Variants in VPS8 observed in about 807,000 individuals in gnomAD.
VPS8 encodes the protein VPS8 subunit of CORVET complex, also known as vacuolar protein sorting-associated protein 8 homolog.
VPS8 carries 129 observed loss-of-function variants against 216.4 expected under a neutral mutation model. The observed-to-expected ratio is 0.60, with a 90% confidence interval of 0.52 to 0.69. The LOEUF (loss-of-function observed/expected upper bound fraction) is 0.69, where lower values mean the gene tolerates loss of function less well. Among genes scored for constraint, VPS8 ranks in the 30% least tolerant of loss-of-function variants. The probability of loss-of-function intolerance (pLI) is 0.00; values close to 1 mark genes in which losing one functional copy is unlikely to be tolerated. For synonymous variants in VPS8, 571 were observed against 565.4 expected (o/e 1.01, Z -0.14); for missense variants, 1,531 against 1,683.5 (o/e 0.91, Z 1.59).
intron 7 of VPS8, among the ~76,000 whole-genome samples, chr3:184,843,025 A>T (rs924802520): frequency 1.3e-5 from 2 of 151,898 alleles, no homozygotes; most frequent in African/African-American, 4.8e-5. Flanking sequence ...ACTTTGCTCT[A>T]ATGAGAGTAT....
chr3:184,941,906 T>A (rs944256826), intron 36 of VPS8, among the ~76,000 whole-genome samples: 25 of 147,028 alleles, frequency 1.7e-4, no homozygotes, highest in South Asian at 2.2e-4. Context: ...TTTTTTTATT[T>A]AAAAAAAAAA....
At chr3:185,004,906 T>TTTTA (rs139983815) in intron 45 of VPS8, among the ~76,000 whole-genome samples, 33,925 of 150,918 alleles carry the variant, frequency 0.22, 5,033 homozygotes, top group East Asian at 0.51. Context: ...TTGTTTTGTT[T>TTTTA]TTTATTTATT....
chr3:185,021,081 C>A (rs762141608), intron 45 of VPS8, among the ~76,000 whole-genome samples: 34 of 151,942 alleles, frequency 2.2e-4, no homozygotes, highest in African/African-American at 4.8e-4. Flanking sequence ...TCAAAAAAAA[C>A]CAAAAAACAA....
At chr3:184,872,353 A>T (rs1409333077) in intron 21 of VPS8, among the ~76,000 whole-genome samples, 2 of 152,094 alleles carry the variant, frequency 1.3e-5, no homozygotes, top group Admixed American at 6.6e-5. Flanking sequence ...TTTCTAAAAG[A>T]TGAAAGGAAC....
chr3:184,989,065 A>T (rs552425732), intron 42 of VPS8, among the ~76,000 whole-genome samples: 16 of 152,294 alleles, frequency 1.1e-4, no homozygotes, highest in Admixed American at 5.2e-4. Flanking sequence ...AAACAAAGAC[A>T]GTTTTATTTC....
chr3:185,041,380 T>C (rs1164722130), intron 46 of VPS8, among the ~76,000 whole-genome samples: 3 of 152,140 alleles, frequency 2.0e-5, no homozygotes, highest in Non-Finnish European at 4.4e-5. Flanking sequence ...CAGATTGTCA[T>C]ATGTGTGTCT....
At chr3:184,938,152 G>A (rs980775501) in intron 35 of VPS8, among the ~76,000 whole-genome samples, 3 of 152,144 alleles carry the variant, frequency 2.0e-5, no homozygotes, top group Admixed American at 6.5e-5. Flanking sequence ...GGACATTTTT[G>A]TGAAGTAAAA....
intron 1 of VPS8, among the ~76,000 whole-genome samples, chr3:184,819,462 G>A (rs1419578158): frequency 6.6e-6 from 1 of 152,208 alleles, no homozygotes; most frequent in Non-Finnish European, 1.5e-5. Flanking sequence ...GAATTTATGA[G>A]TGGTTCATTA....
At chr3:184,908,379 A>G (rs557244402) in intron 25 of VPS8, among the ~76,000 whole-genome samples, 11 of 152,320 alleles carry the variant, frequency 7.2e-5, no homozygotes, top group Non-Finnish European at 1.6e-4. Context: ...GGAGCACATG[A>G]GCAAGCCAGT....
intron 15 of VPS8, among the ~76,000 whole-genome samples, chr3:184,862,206 AGATTTATTTCTTGGGAAAC>A (rs1726512543): frequency 6.6e-6 from 1 of 152,184 alleles, no homozygotes; most frequent in Admixed American, 6.5e-5. Context: ...GCAGATTTTA[AGATTTATTTCTTGGGAAAC>A]GATTGGGATT....
At position 185,051,889 on chromosome 3, in the gene VPS8, C is replaced by T. The variant is rs759551353; in HGVS notation, c.4151C>T (p.Thr1384Met). 14 of 1,606,180 alleles carry T rather than the reference C, an allele frequency of 8.7e-6. No homozygotes were observed. The highest frequency in any genetic ancestry group is 4.5e-5 in the East Asian group (2 of 44,558). Residue 1384 changes from threonine to methionine, a missense_variant, in exon 48 of 48, where the codon ACG (threonine) becomes ATG (methionine). This residue lies in a region of VPS8 where 1,318 missense variants were observed against 1,468.4 expected (regional missense o/e 0.90). Transcript: ENST00000625842. ...YRGSSRLALL[T>M]ELSQNRSSES... Reference sequence around the variant, plus strand: ...CTTCCTTTGCAGCTGGCTCTCCTCACGGAACTCTCCCAGAATCGCAGCAGC... The same window carrying T: ...CTTCCTTTGCAGCTGGCTCTCCTCATGGAACTCTCCCAGAATCGCAGCAGC...
chr3:184,839,781 A>G (rs1285093423), intron 7 of VPS8, 29 bp downstream of exon 7: 1 of 1,571,228 alleles, frequency 6.4e-7, no homozygotes, highest in Admixed American at 1.9e-5. Flanking sequence ...TCCTGCTTTT[A>G]AATATTAAGT....
intron 15 of VPS8, among the ~76,000 whole-genome samples, chr3:184,862,411 T>C (rs186923136): frequency 1.2e-4 from 19 of 152,326 alleles, no homozygotes; most frequent in African/African-American, 4.6e-4. Context: ...AGGACTCTCA[T>C]AATTTTAAGA....
intron 8 of VPS8, among the ~76,000 whole-genome samples, chr3:184,847,388 AAGG>A (rs1471489775): frequency 1.3e-5 from 2 of 152,210 alleles, no homozygotes; most frequent in East Asian, 3.9e-4. Context: ...ACTTTTATAG[AAGG>A]AGAACTGGCA....
intron 15 of VPS8, among the ~76,000 whole-genome samples, chr3:184,860,699 A>AT (rs967549302): frequency 6.6e-6 from 1 of 151,898 alleles, no homozygotes; most frequent in Non-Finnish European, 1.5e-5. Context: ...TCTGTAAAAC[A>AT]TTTTTTGTAT....
intron 45 of VPS8, among the ~76,000 whole-genome samples, 151 bp downstream of exon 45, chr3:185,000,012 T>A (rs1753185702): frequency 6.6e-6 from 1 of 152,226 alleles, no homozygotes. Flanking sequence ...CTATTTAGTG[T>A]TCGAAGAGCC....
At chr3:185,044,937 G>GA (rs1712522405) in intron 46 of VPS8, among the ~76,000 whole-genome samples, 1 of 152,204 alleles carries the variant, frequency 6.6e-6, no homozygotes, top group African/African-American at 2.4e-5. Context: ...TTGCAGAGGG[G>GA]AAGGAGGTGT....
At chr3:185,004,130 G>T (rs769205827) in intron 45 of VPS8, among the ~76,000 whole-genome samples, 55 of 152,338 alleles carry the variant, frequency 3.6e-4, no homozygotes, top group Non-Finnish European at 7.3e-4. Flanking sequence ...AAGGCAGGCG[G>T]CCGGGAGGTG....
intron 10 of VPS8, 103 bp from the exon 11 acceptor site, chr3:184,852,397 A>G (rs1400878825): frequency 2.2e-6 from 2 of 919,526 alleles, no homozygotes; most frequent in African/African-American, 3.4e-5. Flanking sequence ...TTCAAAAGCT[A>G]TTAAATGTGT....
Sources: gnomAD v4.1 joint callset for allele counts (sites outside exome capture counted in the v4.1 genomes callset) on GRCh38, gnomAD v4.1.1 for gene constraint, gnomAD v4.1.1 regional missense constraint, MANE v1.5 for transcripts, NCBI Gene and HGNC (gene_info 2026-07-23, HGNC 2026-07-21) for gene names.